MAFK: variants seen among roughly 807,000 people sequenced by gnomAD.
MAFK encodes the protein MAF bZIP transcription factor K, also known as transcription factor MafK.
A neutral mutation model predicts 9.2 loss-of-function variants in MAFK; 1 was observed. That is an observed-to-expected ratio of 0.11 (90% confidence interval 0.04 to 0.52). The LOEUF is 0.52. Among genes scored for constraint, MAFK ranks in the 20% least tolerant of loss-of-function variants. The pLI is 0.94. For missense variants in MAFK, 207 were observed against 236.0 expected, an observed-to-expected ratio of 0.88 and a Z score of 0.81; for synonymous variants, 110 against 107.4, an observed-to-expected ratio of 1.02 and a Z score of -0.15.
chr7:1,531,509 C>T (rs1298505913), intron 1 of MAFK, among the ~76,000 whole-genome samples: 1 of 152,186 alleles, frequency 6.6e-6, no homozygotes, highest in Non-Finnish European at 1.5e-5. Context: ...CGCCCACCTG[C>T]CAGGGTTGCT....
chr7:1,536,538 C>T (rs1044454944), intron 1 of MAFK, among the ~76,000 whole-genome samples: 3 of 152,286 alleles, frequency 2.0e-5, no homozygotes, highest in East Asian at 1.9e-4. Flanking sequence ...TGTGCTCTGG[C>T]GGCCCTGGAG....
rs908585249 is a variant in MAFK at position 1,534,064 on chromosome 7, C to T, written c.-45+3166C>T. The T allele has an allele frequency of 1.1e-5, 4 of 363,560 alleles. No homozygotes were observed. The East Asian group carries it at 2.2e-4, about 20-fold the overall frequency. 22.5% of individuals were successfully genotyped at this position (363,560 alleles called of 1,614,324 possible). A position where few individuals can be genotyped will look rare whatever the true frequency, so the allele number is the denominator to read the frequency against. The stretch of plus-strand genomic sequence containing the variant: ...AGACTGCAAATGCAAGGTGACCAGA[C>T]GTCCTCCAAGCCGGGCCGACAGTCA... On this transcript the variant is annotated intron_variant, in intron 1 of 2. Coordinates refer to ENST00000343242, the MANE Select transcript of MAFK (RefSeq NM_002360.4). The surrounding 1 kb of genome is among the most constrained non-coding windows in gnomAD (Gnocchi z 4.3).
In MAFK at chr7:1,540,400, G is replaced by T; in HGVS notation, c.*25G>T. On this transcript the variant is annotated 3_prime_UTR_variant, in exon 3 of 3. Coordinates refer to ENST00000343242, the MANE Select transcript of MAFK (RefSeq NM_002360.4). Reference sequence around the variant, plus strand: ...GTGCCGGCCGGGGGCGGGGGGTGGCGGGCGGCGGGCGGCGGGCAGGCGGGT... The same window carrying T: ...GTGCCGGCCGGGGGCGGGGGGTGGCTGGCGGCGGGCGGCGGGCAGGCGGGT... The T allele has an allele frequency of 7.7e-7, 1 of 1,303,930 alleles. No homozygotes were observed. The highest frequency in any genetic ancestry group is 1.0e-6 in the Non-Finnish European group (1 of 969,342). The allele number at this position is 1,303,930 out of a possible 1,614,324, so 80.8% of individuals were successfully genotyped here.
At chr7:1,538,726 C>A in intron 1 of MAFK, 1 of 194,760 alleles carries the variant, frequency 5.1e-6, no homozygotes, top group South Asian at 8.1e-5. Context: ...TTGTGCTGTG[C>A]AGGTGCAGAC....
At chr7:1,537,266 C>A in intron 1 of MAFK, 2 of 525,894 alleles carry the variant, frequency 3.8e-6, no homozygotes, top group Non-Finnish European at 4.9e-6. Flanking sequence ...TGTGCTGCCA[C>A]GGCGGGCAGT....
rs1783926905 is a variant in MAFK at position 1,532,490 on chromosome 7, G to A, written c.-45+1592G>A. 6.6e-6 allele frequency among the ~76,000 whole-genome samples: 1 copy of A among 152,224 alleles called. No individual in the cohort carries two copies. Among genetic ancestry groups the A allele is most frequent in the Non-Finnish European group, 1.5e-5 (1 of 68,048 alleles). On this transcript the variant is annotated intron_variant, in intron 1 of 2. Coordinates refer to ENST00000343242, the MANE Select transcript of MAFK (RefSeq NM_002360.4). This position sits in a 1 kb window ranked among gnomAD's most constrained non-coding sequence, Gnocchi z 4.5. ...GACATTTATTAAAGCAGAAAAACCA[G>A]GCTTCTCCTGCCTTTTATCCTTGAA...
intron 1 of MAFK, 58 bp downstream of exon 1, chr7:1,530,956 G>T: frequency 6.8e-6 from 1 of 146,630 alleles, no homozygotes; most frequent in South Asian, 2.0e-4. Flanking sequence ...ACCGGGGCGC[G>T]GGGCCGGGGC....
In MAFK at chr7:1,537,613, C is replaced by T. The variant is rs1258152973; in HGVS notation, c.-44-1536C>T. The T allele has an allele frequency of 3.0e-6, 3 of 985,500 alleles. No homozygotes were observed. The African/African-American group carries it at 5.2e-5, about 17-fold the overall frequency. The allele number at this position is 985,500 out of a possible 1,614,324, so 61.0% of individuals were successfully genotyped here. The stretch of plus-strand genomic sequence containing the variant: ...GTCCCCGGGACCGGCTGGTGCCATC[C>T]TGTGCCATCTACGTCAGCGCCCTGA... On this transcript the variant is annotated intron_variant, in intron 1 of 2. Coordinates refer to ENST00000343242, the MANE Select transcript of MAFK (RefSeq NM_002360.4).
At position 1,531,384 on chromosome 7, in the gene MAFK, C is replaced by G. The variant is rs1006721769; in HGVS notation, c.-45+486C>G. Among the ~76,000 whole-genome samples the G allele has an allele frequency of 8.4e-4, 128 of 152,146 alleles. 1 individual carries two copies. Among genetic ancestry groups the G allele is most frequent in the Admixed American group, 5.2e-4 (8 of 15,284 alleles). Reference sequence around the variant, plus strand: ...CCCCGGACTGCCCCCCGCGCTTCCTCCCGGTGACGGGCGGCGCTCTGGCCC... The same window carrying G: ...CCCCGGACTGCCCCCCGCGCTTCCTGCCGGTGACGGGCGGCGCTCTGGCCC... On this transcript the variant is annotated intron_variant, in intron 1 of 2. Coordinates refer to ENST00000343242, the MANE Select transcript of MAFK (RefSeq NM_002360.4).
intron 2 of MAFK, among the ~76,000 whole-genome samples, chr7:1,539,608 C>T (rs1271487091): frequency 6.6e-6 from 1 of 152,234 alleles, no homozygotes; most frequent in Admixed American, 6.5e-5. Flanking sequence ...TGGCGCTTGC[C>T]GCCTCCACAA....
In MAFK at chr7:1,537,555, C is replaced by A. The variant is rs1182697080; in HGVS notation, c.-44-1594C>A. 5.1e-6 allele frequency: 5 copies of A among 985,428 alleles called. No individual in the cohort carries two copies. In the East Asian group the frequency reaches 4.5e-4, roughly 89 times the overall value. The allele number at this position is 985,428 out of a possible 1,614,324, so 61.0% of individuals were successfully genotyped here. On this transcript the variant is annotated intron_variant, in intron 1 of 2. Coordinates refer to ENST00000343242, the MANE Select transcript of MAFK (RefSeq NM_002360.4). ...CTCCACTGTCACCCTCACCCCAGGA[C>A]GTGGTGCGAAGGAGCCTGGAGCCCA...
chr7:1,534,577 C>T lies in MAFK; in HGVS notation c.-45+3679C>T, dbSNP rs1440982833. On this transcript the variant is annotated intron_variant, in intron 1 of 2. Coordinates refer to ENST00000343242, the MANE Select transcript of MAFK (RefSeq NM_002360.4). The surrounding 1 kb of genome is among the most constrained non-coding windows in gnomAD (Gnocchi z 4.3). ...TCCGTTCCTGGTCTTCCTCCTGCCC[C>T]TCCTCCCTCTCCCGCATCCCACATC... 1 of 456,460 alleles carries T rather than the reference C, an allele frequency of 2.2e-6. No homozygotes were observed. Among genetic ancestry groups the T allele is most frequent in the Non-Finnish European group, 4.4e-6 (1 of 226,908 alleles). 28.3% of individuals were successfully genotyped at this position (456,460 alleles called of 1,614,324 possible).
intron 1 of MAFK, 84 bp downstream of exon 1, chr7:1,530,982 T>A (rs1453152810): frequency 7.0e-6 from 1 of 143,508 alleles, no homozygotes; most frequent in South Asian, 2.1e-4. Flanking sequence ...GGCCGCTGAG[T>A]CACGGCCGCC....
At position 1,540,856 on chromosome 7, in the gene MAFK, G is replaced by GAGATCTACACT; in HGVS notation, c.*482_*483insGATCTACACTA. The GAGATCTACACT allele has an allele frequency of 6.0e-6, 1 of 165,458 alleles. No homozygotes were observed. Among genetic ancestry groups the GAGATCTACACT allele is most frequent in the Non-Finnish European group, 1.3e-5 (1 of 76,912 alleles). 10.2% of individuals were successfully genotyped at this position (165,458 alleles called of 1,614,324 possible). A position where few individuals can be genotyped will look rare whatever the true frequency, so the allele number is the denominator to read the frequency against. On this transcript the variant is annotated 3_prime_UTR_variant, in exon 3 of 3. Coordinates refer to ENST00000343242, the MANE Select transcript of MAFK (RefSeq NM_002360.4). ...GCGGGAGCCCCTCACTGCCCTGACC[G>GAGATCTACACT]ACTCCGCAGTCCCCGGGGAGGAGCA... is the stretch of plus-strand genomic sequence containing the variant.
intron 1 of MAFK, chr7:1,537,253 G>A (rs922146249): frequency 2.6e-5 from 11 of 415,240 alleles, no homozygotes; most frequent in Middle Eastern, 1.2e-3. Flanking sequence ...TTTTCCGCCC[G>A]GCTGTGCTGC....
chr7:1,531,362 C>G (rs893765220), intron 1 of MAFK, among the ~76,000 whole-genome samples: 3 of 152,128 alleles, frequency 2.0e-5, no homozygotes, highest in African/African-American at 7.2e-5. Context: ...CGTGCGGCCC[C>G]GGACTGCCCC....
Position 1,539,813 on chromosome 7 carries a change from G to A in MAFK, c.37-128G>A, listed in dbSNP as rs558925618. 1.2e-4 allele frequency: 98 copies of A among 784,942 alleles called. No individual in the cohort carries two copies. The African/African-American group carries it at 1.6e-3, about 13-fold the overall frequency. The allele number at this position is 784,942 out of a possible 1,614,324, so 48.6% of individuals were successfully genotyped here. On this transcript the variant is annotated intron_variant, in intron 2 of 2. Coordinates refer to ENST00000343242, the MANE Select transcript of MAFK (RefSeq NM_002360.4). ...ACAGTGTCCTGTGGTCCCTGGTGCG[G>A]ATGGCGAAGGCCAGCCCTGAGAGCG...
In MAFK at chr7:1,540,528, T is replaced by A; in HGVS notation, c.*153T>A. On this transcript the variant is annotated 3_prime_UTR_variant, in exon 3 of 3. Coordinates refer to ENST00000343242, the MANE Select transcript of MAFK (RefSeq NM_002360.4). Reference sequence around the variant, plus strand: ...GGCAGCTCACACCAGGAAGAGACTGTATTGCAGGGTGAAGAGTGGGCTCCC... The same window carrying A: ...GGCAGCTCACACCAGGAAGAGACTGAATTGCAGGGTGAAGAGTGGGCTCCC... 1.3e-6 allele frequency: 1 copy of A among 791,218 alleles called. No homozygotes were observed. Among genetic ancestry groups the A allele is most frequent in the Non-Finnish European group, 1.9e-6 (1 of 516,662 alleles). The allele number at this position is 791,218 out of a possible 1,614,324, so 49.0% of individuals were successfully genotyped here.
intron 1 of MAFK, among the ~76,000 whole-genome samples, chr7:1,533,645 C>A (rs1193147916): frequency 1.3e-5 from 2 of 152,108 alleles, no homozygotes; most frequent in African/African-American, 2.4e-5. Context: ...AGCTGTGGTC[C>A]AGACAGGAGA....
Sources: gnomAD v4.1 joint callset for allele counts (sites outside exome capture counted in the v4.1 genomes callset) on GRCh38, gnomAD v4.1.1 for gene constraint, Gnocchi (gnomAD v3.1) non-coding constraint, MANE v1.5 for transcripts, NCBI Gene and HGNC (gene_info 2026-07-23, HGNC 2026-07-21) for gene names.